The following CACNA1A variants were observed in gnomAD, a reference collection of about 807,000 sequenced individuals.
CACNA1A encodes calcium voltage-gated channel subunit alpha1 A.
CACNA1A carries 57 observed loss-of-function variants against 262.4 expected under a neutral mutation model. The ratio of observed to expected loss-of-function variants is 0.22; its 90% CI spans 0.18 to 0.27. The LOEUF (loss-of-function observed/expected upper bound fraction) is 0.27. CACNA1A is among the 10% of genes least tolerant of loss of function. The pLI is 1.00. For synonymous variants in CACNA1A, 1,431 were observed against 1,419.3 expected (o/e 1.01, Z -0.18); for missense variants, 2,526 against 3,562.8 (o/e 0.71, Z 7.41).
chr19:13,317,669 G>A (rs1227081970), intron 10 of CACNA1A, among the ~76,000 whole-genome samples: 2 of 152,232 alleles, frequency 1.3e-5, no homozygotes, highest in Non-Finnish European at 2.9e-5. Context: ...ATTCCCTGAT[G>A]CAGGGGCAGG....
At chr19:13,262,252 AG>A (rs2056750836) in intron 25 of CACNA1A, 1 of 156,998 alleles carries the variant, frequency 6.4e-6, no homozygotes. Context: ...TGAAGCATAG[AG>A]TGAAAGTGGG....
At chr19:13,490,157 G>C (rs1045618857) in intron 1 of CACNA1A, among the ~76,000 whole-genome samples, 1 of 152,216 alleles carries the variant, frequency 6.6e-6, no homozygotes, top group African/African-American at 2.4e-5. Flanking sequence ...TACCTGCTGA[G>C]AATTTACTAT....
intron 30 of CACNA1A, among the ~76,000 whole-genome samples, chr19:13,246,735 C>T (rs1456337724): frequency 2.6e-5 from 4 of 152,130 alleles, no homozygotes; most frequent in African/African-American, 9.7e-5. Flanking sequence ...ACACCATTCT[C>T]CTGCTTCAGT....
At chr19:13,474,995 C>T (rs1460310193) in intron 1 of CACNA1A, among the ~76,000 whole-genome samples, 2 of 152,156 alleles carry the variant, frequency 1.3e-5, no homozygotes, top group Admixed American at 1.3e-4. Context: ...ACACTTCTCA[C>T]ATTTTATTCA....
intron 1 of CACNA1A, among the ~76,000 whole-genome samples, chr19:13,502,823 C>T (rs1249267288): frequency 1.3e-5 from 2 of 152,192 alleles, no homozygotes; most frequent in Non-Finnish European, 2.9e-5. Flanking sequence ...AGCAAGACTG[C>T]ATCCTTCACC....
Position 13,207,997 on chromosome 19 carries a change from C to G in CACNA1A, c.6837G>C (p.Pro2279=). Residue 2279 remains proline, a synonymous_variant, in exon 47 of 47, where the codon CCG becomes CCC. Coordinates refer to ENST00000360228, the MANE Select transcript of CACNA1A (RefSeq NM_001127222.2). The surrounding 1 kb of genome is among the most constrained non-coding windows in gnomAD (Gnocchi z 5.7). ...PAPSTSGTST[P]RRGRRQLPQT... is the part of the protein sequence containing the mutation. ...GGGGGAGCTGGCGGCGGCCCCGCCG[C>G]GGAGTGCTGGTACCAGATGTTGAGG... The G allele has an allele frequency of 7.5e-7, 1 of 1,327,462 alleles. No individual in the cohort carries two copies. Among genetic ancestry groups the G allele is most frequent in the East Asian group, 3.1e-5 (1 of 32,450 alleles). 82.2% of individuals were successfully genotyped at this position (1,327,462 alleles called of 1,614,324 possible). A position where few individuals can be genotyped will look rare whatever the true frequency, so the allele number is the denominator to read the frequency against.
At chr19:13,288,446 C>T (rs1449737726) in intron 19 of CACNA1A, among the ~76,000 whole-genome samples, 2 of 152,100 alleles carry the variant, frequency 1.3e-5, no homozygotes, top group Non-Finnish European at 2.9e-5. Context: ...CGCCATGTTG[C>T]CCAGGCTGCT....
chr19:13,420,058 G>C (rs909370733), intron 3 of CACNA1A, among the ~76,000 whole-genome samples: 1 of 151,858 alleles, frequency 6.6e-6, no homozygotes, highest in Non-Finnish European at 1.5e-5. Context: ...TCCAGCCTGG[G>C]CGACAGAGCG....
intron 24 of CACNA1A, among the ~76,000 whole-genome samples, chr19:13,270,910 C>T (rs2057001891): frequency 6.6e-6 from 1 of 152,202 alleles, no homozygotes; most frequent in Non-Finnish European, 1.5e-5. Context: ...AAATCTCACA[C>T]CTCCCAGTTC....
chr19:13,490,734 AG>A (rs755933345), intron 1 of CACNA1A, among the ~76,000 whole-genome samples: 54 of 126,758 alleles, frequency 4.3e-4, no homozygotes, highest in East Asian at 1.5e-3. Context: ...AGAAAGAAAG[AG>A]AAAAGAAAGA....
chr19:13,235,743 A>T lies in CACNA1A; in HGVS notation c.4951-13T>A. 2.5e-6 allele frequency: 4 copies of T among 1,592,674 alleles called. No homozygotes were observed. Among genetic ancestry groups the T allele is most frequent in the Non-Finnish European group, 3.4e-6 (4 of 1,160,800 alleles). On this transcript the variant is annotated splice_polypyrimidine_tract_variant and intron_variant, in intron 31 of 46. Transcript: ENST00000360228. ...TGATGAAGTTATTCTGGGGAGATGGAGGAAGAGGGGTGACCATCCACCCAC... is the reference window on the plus strand; with the variant it reads ...TGATGAAGTTATTCTGGGGAGATGGTGGAAGAGGGGTGACCATCCACCCAC...
At chr19:13,392,735 C>T (rs1376805235) in intron 3 of CACNA1A, among the ~76,000 whole-genome samples, 9 of 151,584 alleles carry the variant, frequency 5.9e-5, no homozygotes, top group Middle Eastern at 3.2e-3. Flanking sequence ...TCCTTCCTTC[C>T]CTTCCTTCCT....
chr19:13,358,247 A>G (rs2059041508), intron 6 of CACNA1A, among the ~76,000 whole-genome samples: 1 of 152,130 alleles, frequency 6.6e-6, no homozygotes, highest in African/African-American at 2.4e-5. Flanking sequence ...GCAGCCACAC[A>G]ATAGAATGCT....
At chr19:13,218,791 G>A (rs1006155164) in intron 38 of CACNA1A, among the ~76,000 whole-genome samples, 2 of 152,132 alleles carry the variant, frequency 1.3e-5, no homozygotes, top group African/African-American at 4.8e-5. Context: ...AGGCTGGAGT[G>A]CAATGGCACA....
At chr19:13,412,527 G>C (rs2060129820) in intron 3 of CACNA1A, among the ~76,000 whole-genome samples, 1 of 151,106 alleles carries the variant, frequency 6.6e-6, no homozygotes, top group African/African-American at 2.4e-5. Flanking sequence ...ACCCAGGCTG[G>C]AGTGCAGTGG....
rs1600093004 is a variant in CACNA1A, at chr19:13,214,126, G to A, written c.5940+107C>T. ...TGCTGTGCACAGCCCCTACTTTTCA[G>A]GGACCTGCCCTGGGGCTCAGCCACC... On this transcript the variant is annotated intron_variant, in intron 40 of 46. Transcript: ENST00000360228. This position sits in a 1 kb window ranked among gnomAD's most constrained non-coding sequence, Gnocchi z 4.1. The A allele has an allele frequency of 1.2e-6, 1 of 862,862 alleles. No homozygotes were observed. Among genetic ancestry groups the A allele is most frequent in the Admixed American group, 2.1e-5 (1 of 48,002 alleles). 53.5% of individuals were successfully genotyped at this position (862,862 alleles called of 1,614,324 possible).
Position 13,299,167 on chromosome 19 carries a change from C to T in CACNA1A, c.2466G>A (p.Pro822=), listed in dbSNP as rs573977603. ...GGTTCTCCTGCGGGTCCACCACCAG[C>T]GGCCGGTCCAAGTGCGTCTTCATGT... ...RPDMKTHLDR[P]LVVDPQENRN... The change falls in exon 19 of 47, where the codon CCG becomes CCA. Residue 822 remains proline (P), a synonymous_variant. Transcript: ENST00000360228. 4.3e-6 allele frequency: 7 copies of T among 1,613,098 alleles called. No individual in the cohort carries two copies. The highest frequency in any genetic ancestry group is 2.7e-5 in the African/African-American group (2 of 75,062).
chr19:13,245,513 C>A (rs535688995), intron 30 of CACNA1A: 29 of 539,074 alleles, frequency 5.4e-5, no homozygotes, highest in African/African-American at 4.6e-4. Context: ...CCTGCTTCAG[C>A]TCCACAGGGC....
At chr19:13,454,073 C>T (rs2060962455) in intron 2 of CACNA1A, among the ~76,000 whole-genome samples, 1 of 151,874 alleles carries the variant, frequency 6.6e-6, no homozygotes, top group Non-Finnish European at 1.5e-5. Flanking sequence ...TGACTGATGG[C>T]TGGCAGCTTC....
Sources: gnomAD v4.1 joint callset for allele counts (sites outside exome capture counted in the v4.1 genomes callset) on GRCh38, gnomAD v4.1.1 for gene constraint, Gnocchi (gnomAD v3.1) non-coding constraint, MANE v1.5 for transcripts, NCBI Gene and HGNC (gene_info 2026-07-23, HGNC 2026-07-21) for gene names.